SNTG1: variants seen among roughly 807,000 people sequenced by gnomAD.
SNTG1 encodes syntrophin gamma 1.
Under a neutral mutation model 74.7 loss-of-function variants are expected in SNTG1, and 39 were observed. That is an observed-to-expected ratio of 0.52 (90% CI 0.40 to 0.68). The LOEUF (loss-of-function observed/expected upper bound fraction) is 0.68, where lower values mean the gene tolerates loss of function less well. Among genes scored for constraint, SNTG1 ranks in the 30% least tolerant of loss-of-function variants. The pLI is 0.00. For missense variants in SNTG1, 685 were observed against 609.5 expected, an observed-to-expected ratio of 1.12 and a Z score of -1.30; for synonymous variants, 254 against 217.1, an observed-to-expected ratio of 1.17 and a Z score of -1.49.
At chr8:49,968,912 T>C (rs577119831) in intron 1 of SNTG1, among the ~76,000 whole-genome samples, 3 of 152,280 alleles carry the variant, frequency 2.0e-5, no homozygotes, top group African/African-American at 4.8e-5. Flanking sequence ...AGGGCGATAC[T>C]GAGGCAGAAT....
At chr8:50,191,025 T>G (rs1193472160) in intron 2 of SNTG1, among the ~76,000 whole-genome samples, 1 of 152,326 alleles carries the variant, frequency 6.6e-6, no homozygotes, top group Non-Finnish European at 1.5e-5. Context: ...CGCTATTTTT[T>G]CTTTCACTGG....
chr8:50,708,600 A>G (rs909971667), intron 16 of SNTG1: 32 of 326,390 alleles, frequency 9.8e-5, no homozygotes, highest in Middle Eastern at 8.1e-4. Flanking sequence ...TTTATTGTCA[A>G]CACAGCAAAG....
chr8:50,547,630 G>T (rs1330604908), intron 11 of SNTG1, among the ~76,000 whole-genome samples: 4 of 152,016 alleles, frequency 2.6e-5, no homozygotes, highest in Admixed American at 6.6e-5. Context: ...ATAGCCAGAG[G>T]AGGACAGTAT....
At position 50,721,766 on chromosome 8, in the gene SNTG1, T is replaced by C. The variant is rs151033950; in HGVS notation, c.1284+12788T>C. ...GTATGGTGCTTCCTTTATTGTATAC[T>C]GGGAAATTGCAATAACTCTAGCTAT... On this transcript the variant is annotated intron_variant, in intron 17 of 18. Transcript: ENST00000642720. Among the ~76,000 whole-genome samples, 325 of 152,278 alleles carry C rather than the reference T, an allele frequency of 2.1e-3. 2 individuals carry two copies. Among genetic ancestry groups the C allele is most frequent in the African/African-American group, 7.4e-3 (309 of 41,572 alleles).
At chr8:50,579,906 C>T (rs1166261246) in intron 12 of SNTG1, among the ~76,000 whole-genome samples, 2 of 152,200 alleles carry the variant, frequency 1.3e-5, no homozygotes, top group Non-Finnish European at 2.9e-5. Context: ...GGGGTAGGCA[C>T]TGCCCAGTGG....
intron 1 of SNTG1, among the ~76,000 whole-genome samples, chr8:50,156,644 T>C (rs972485195): frequency 2.0e-5 from 3 of 152,008 alleles, no homozygotes; most frequent in African/African-American, 7.2e-5. Context: ...GGACAAAATG[T>C]ATCAAGAATA....
intron 1 of SNTG1, among the ~76,000 whole-genome samples, chr8:50,076,705 C>G (rs1486058997): frequency 6.6e-6 from 1 of 151,944 alleles, no homozygotes; most frequent in African/African-American, 2.4e-5. Context: ...AGTAATTAAG[C>G]TTTCATATAC....
intron 17 of SNTG1, among the ~76,000 whole-genome samples, chr8:50,743,924 A>C (rs540270402): frequency 2.1e-4 from 32 of 151,994 alleles, no homozygotes; most frequent in Non-Finnish European, 3.8e-4. Context: ...ATGGTGGAAG[A>C]TGAAGTGGAA....
chr8:50,623,078 G>T (rs2094933713), intron 13 of SNTG1, among the ~76,000 whole-genome samples: 2 of 151,914 alleles, frequency 1.3e-5, no homozygotes, highest in South Asian at 4.1e-4. Flanking sequence ...TTTTGTGTGT[G>T]GAATCTTTAG....
intron 13 of SNTG1, among the ~76,000 whole-genome samples, chr8:50,593,946 G>A (rs1300777766): frequency 6.6e-6 from 1 of 151,964 alleles, no homozygotes; most frequent in Non-Finnish European, 1.5e-5. Flanking sequence ...TCAAACTCCC[G>A]ACCTTAAGTG....
At chr8:49,979,972 C>A (rs543467755) in intron 1 of SNTG1, among the ~76,000 whole-genome samples, 1 of 152,176 alleles carries the variant, frequency 6.6e-6, no homozygotes, top group Admixed American at 6.5e-5. Flanking sequence ...CCACAGTATT[C>A]GCTCAATGTA....
intron 13 of SNTG1, among the ~76,000 whole-genome samples, chr8:50,606,939 G>A (rs1441640745): frequency 2.0e-5 from 3 of 151,446 alleles, no homozygotes; most frequent in Non-Finnish European, 4.4e-5. Context: ...TAATCATAAT[G>A]TTTTTATCCT....
chr8:50,038,482 C>A (rs1026473646), intron 1 of SNTG1, among the ~76,000 whole-genome samples: 3 of 152,118 alleles, frequency 2.0e-5, no homozygotes, highest in African/African-American at 7.2e-5. Flanking sequence ...ATGCACAGAC[C>A]TTATCACTAT....
chr8:50,722,759 T>A (rs1035160714), intron 17 of SNTG1, among the ~76,000 whole-genome samples: 3 of 152,204 alleles, frequency 2.0e-5, no homozygotes, highest in African/African-American at 7.2e-5. Context: ...GTTGTGTTGT[T>A]CTTTCTTCAT....
intron 2 of SNTG1, among the ~76,000 whole-genome samples, chr8:50,212,498 T>A (rs1195026396): frequency 6.6e-6 from 1 of 152,140 alleles, no homozygotes; most frequent in East Asian, 1.9e-4. Context: ...AAGTAATGTG[T>A]GATGTATACA....
intron 13 of SNTG1, among the ~76,000 whole-genome samples, chr8:50,647,109 CT>C (rs1455726876): frequency 6.6e-6 from 1 of 151,934 alleles, no homozygotes; most frequent in Non-Finnish European, 1.5e-5. Flanking sequence ...AATAAAACAC[CT>C]AGAGGATGAC....
intron 12 of SNTG1, among the ~76,000 whole-genome samples, chr8:50,556,851 A>G (rs902629889): frequency 6.6e-6 from 1 of 152,154 alleles, no homozygotes; most frequent in African/African-American, 2.4e-5. Flanking sequence ...TTCAGATGAG[A>G]TAGCAGATGA....
At chr8:50,237,161 TTC>T (rs1277709261) in intron 2 of SNTG1, among the ~76,000 whole-genome samples, 2 of 152,170 alleles carry the variant, frequency 1.3e-5, no homozygotes, top group Non-Finnish European at 2.9e-5. Flanking sequence ...TGCAGTTCAT[TTC>T]TTGAAAGAAC....
At chr8:50,078,538 CT>C (rs1297957055) in intron 1 of SNTG1, among the ~76,000 whole-genome samples, 1 of 151,798 alleles carries the variant, frequency 6.6e-6, no homozygotes, top group East Asian at 1.9e-4. Context: ...AGATTTTTTT[CT>C]TTTTTTACAT....
Sources: gnomAD v4.1 joint callset for allele counts (sites outside exome capture counted in the v4.1 genomes callset) on GRCh38, gnomAD v4.1.1 for gene constraint, MANE v1.5 for transcripts, NCBI Gene and HGNC (gene_info 2026-07-23, HGNC 2026-07-21) for gene names.